CCDC68: variants seen among roughly 807,000 people sequenced by gnomAD.
CCDC68 encodes coiled-coil domain-containing protein 68.
In CCDC68, 45 loss-of-function variants were observed where a neutral mutation model predicts 47.1. That is an observed-to-expected ratio of 0.96 (90% CI 0.75 to 1.23). CCDC68 has a LOEUF of 1.23. CCDC68 is among the 50% of genes most tolerant of loss of function. CCDC68 has a pLI of 0.00. For synonymous variants in CCDC68, 131 were observed against 129.5 expected (o/e 1.01, Z -0.08); for missense variants, 353 against 373.6 (o/e 0.94, Z 0.45).
rs148477571 is a variant in CCDC68, at chr18:54,922,372, T to A, written c.684-2996A>T. On this transcript the variant is annotated intron_variant, in intron 8 of 11. Coordinates refer to ENST00000591504, the MANE Select transcript of CCDC68 (RefSeq NM_025214.3). ...GAAGGCTTACCGCCCACAGAGAATC[T>A]TCAGGGGCAGGATGTCTTCAGAAGT... Among the ~76,000 whole-genome samples the A allele has an allele frequency of 2.8e-3, 419 of 152,186 alleles. 1 individual carries two copies. The highest frequency in any genetic ancestry group is 0.025 in the South Asian group (122 of 4,814).
chr18:54,940,160 T>C (rs1342949668), intron 4 of CCDC68, among the ~76,000 whole-genome samples: 2 of 152,102 alleles, frequency 1.3e-5, no homozygotes, highest in African/African-American at 4.8e-5. Context: ...GAACTTTAAA[T>C]ACAATCCTCA....
At chr18:54,927,641 A>G (rs1028629791) in intron 8 of CCDC68, among the ~76,000 whole-genome samples, 1 of 152,246 alleles carries the variant, frequency 6.6e-6, no homozygotes, top group Non-Finnish European at 1.5e-5. Flanking sequence ...TTTCTACAGT[A>G]TTTCCTTCAA....
At chr18:54,914,421 C>A (rs138177989) in intron 10 of CCDC68, among the ~76,000 whole-genome samples, 3 of 152,048 alleles carry the variant, frequency 2.0e-5, no homozygotes, top group Non-Finnish European at 2.9e-5. Context: ...GGTTCGAGAC[C>A]AGCCTGGCCA....
chr18:54,931,520 G>T (rs1417469588), intron 7 of CCDC68, among the ~76,000 whole-genome samples: 1 of 152,150 alleles, frequency 6.6e-6, no homozygotes, highest in Non-Finnish European at 1.5e-5. Context: ...TAATGGAAAG[G>T]GTTGTGATCT....
chr18:54,903,798 T>C lies in CCDC68; in HGVS notation c.*560A>G, dbSNP rs1913818106. 6.6e-6 allele frequency: 1 copy of C among 152,290 alleles called. No homozygotes were observed. The highest frequency in any genetic ancestry group is 1.5e-5 in the Non-Finnish European group (1 of 68,094). 9.4% of individuals were successfully genotyped at this position (152,290 alleles called of 1,614,324 possible). Reference sequence around the variant, plus strand: ...GCTAAAAGGAATCTGCTCTTTCTCCTGCCCATAATTCAGTCAAGTATAATT... The same window carrying C: ...GCTAAAAGGAATCTGCTCTTTCTCCCGCCCATAATTCAGTCAAGTATAATT... On this transcript the variant is annotated 3_prime_UTR_variant, in exon 12 of 12. Transcript: ENST00000591504.
chr18:54,950,505 AC>A (rs1383181470), intron 1 of CCDC68, among the ~76,000 whole-genome samples: 2 of 152,170 alleles, frequency 1.3e-5, no homozygotes, highest in Admixed American at 1.3e-4. Context: ...GTTACGCTGT[AC>A]CCAAGTTCTG....
At chr18:54,936,808 A>C (rs1214212074) in intron 6 of CCDC68, 25 bp downstream of exon 6, 3 of 1,613,834 alleles carry the variant, frequency 1.9e-6, no homozygotes, top group East Asian at 4.5e-5. Context: ...CTAGTTCTCC[A>C]ATAGACAAGC....
intron 2 of CCDC68, 43 bp from the exon 3 acceptor site, chr18:54,942,846 G>T: frequency 2.9e-6 from 3 of 1,033,422 alleles, no homozygotes; most frequent in Admixed American, 1.8e-5. Flanking sequence ...AGACTGTTTT[G>T]ATTGTATGAT....
At chr18:54,948,736 CG>C (rs200398466) in intron 1 of CCDC68, among the ~76,000 whole-genome samples, 4,778 of 152,182 alleles carry the variant, frequency 0.031, 99 homozygotes, top group Admixed American at 0.053. Flanking sequence ...ATTAAACAAA[CG>C]AGTAAATATA....
intron 8 of CCDC68, among the ~76,000 whole-genome samples, chr18:54,921,795 G>C (rs551892124): frequency 8.6e-4 from 131 of 152,268 alleles, no homozygotes; most frequent in African/African-American, 3.1e-3. Flanking sequence ...TGAAAGAAAT[G>C]TAAACGGTCA....
chr18:54,951,228 T>C (rs1161834509), intron 1 of CCDC68, among the ~76,000 whole-genome samples: 2 of 152,082 alleles, frequency 1.3e-5, no homozygotes, highest in East Asian at 1.9e-4. Context: ...TTTAATGAAA[T>C]AGTCTATCCT....
intron 10 of CCDC68, among the ~76,000 whole-genome samples, chr18:54,916,523 C>A (rs959372270): frequency 3.3e-5 from 5 of 152,052 alleles, no homozygotes; most frequent in Non-Finnish European, 4.4e-5. Context: ...TGACAATTGG[C>A]AGAAAATCAA....
Position 54,907,856 on chromosome 18 carries a change from C to A in CCDC68, c.880G>T (p.Glu294Ter). ...GAAAGTGCTACCTGGGTTTTTAGTT[C>A]TTTATTCTAAAATTGAAAAAAAATG... The part of the protein sequence containing the change: ...KVNILEAQNK[E>*]LKTQVALSSE... The change falls in exon 11 of 12, where the codon GAA becomes TAA. Residue 294 changes from glutamate to a stop codon, truncating the protein, a stop_gained. Transcript: ENST00000591504. LOFTEE classifies it high-confidence loss of function. The A allele has an allele frequency of 1.3e-6, 2 of 1,590,596 alleles. No individual in the cohort carries two copies. Among genetic ancestry groups the A allele is most frequent in the Non-Finnish European group, 1.7e-6 (2 of 1,158,876 alleles).
chr18:54,954,194 T>A (rs1452151606), intron 1 of CCDC68, among the ~76,000 whole-genome samples: 1 of 151,958 alleles, frequency 6.6e-6, no homozygotes, highest in Non-Finnish European at 1.5e-5. Flanking sequence ...TAGCTGGGAC[T>A]ACAGGCATGT....
At chr18:54,945,329 T>C (rs147054682) in intron 2 of CCDC68, 59 bp downstream of exon 2, 1 of 152,276 alleles carries the variant, frequency 6.6e-6, no homozygotes, top group African/African-American at 2.4e-5. Flanking sequence ...GGTAGGATTA[T>C]TAATCCTATG....
chr18:54,940,199 G>C (rs2044413032), intron 4 of CCDC68, among the ~76,000 whole-genome samples: 1 of 152,010 alleles, frequency 6.6e-6, no homozygotes, highest in African/African-American at 2.4e-5. Flanking sequence ...CCTGTATCCT[G>C]GACCTTCTAG....
At position 54,924,321 on chromosome 18, in the gene CCDC68, G is replaced by A. The variant is rs184095402; in HGVS notation, c.683+4479C>T. 3.7e-4 allele frequency among the ~76,000 whole-genome samples: 57 copies of A among 152,114 alleles called. 1 individual carries two copies. The highest frequency in any genetic ancestry group is 2.6e-4 in the Admixed American group (4 of 15,280). On this transcript the variant is annotated intron_variant, in intron 8 of 11. Coordinates refer to ENST00000591504, the MANE Select transcript of CCDC68 (RefSeq NM_025214.3). ...AAAACACAAGAAGACTCTGAACAGC[G>A]GAGAGAAGAAGGCAGACTGGCTCTG...
intron 4 of CCDC68, among the ~76,000 whole-genome samples, chr18:54,938,680 C>A (rs9950170): frequency 6.6e-6 from 1 of 152,242 alleles, no homozygotes; most frequent in African/African-American, 2.4e-5. Flanking sequence ...TTGGAAACCA[C>A]CTAACTTAAA....
At chr18:54,919,894 A>G (rs2044025372) in intron 8 of CCDC68, among the ~76,000 whole-genome samples, 1 of 152,052 alleles carries the variant, frequency 6.6e-6, no homozygotes, top group Non-Finnish European at 1.5e-5. Flanking sequence ...TTGGATTCCT[A>G]CTTTTGGTAA....
Sources: allele counts gnomAD v4.1 joint callset (sites outside exome capture counted in the v4.1 genomes callset), GRCh38; gene constraint gnomAD v4.1.1; transcripts MANE v1.5; gene names NCBI Gene and HGNC (gene_info 2026-07-23, HGNC 2026-07-21).